LRP1B: variants seen among roughly 807,000 people sequenced by gnomAD.
The protein encoded by LRP1B is LDL receptor related protein 1B.
LRP1B carries 217 observed loss-of-function variants against 556.6 expected under a neutral mutation model. The ratio of observed to expected loss-of-function variants is 0.39; its 90% CI spans 0.35 to 0.44. LRP1B has a LOEUF of 0.44. LRP1B is among the 20% of genes least tolerant of loss of function. The probability of loss-of-function intolerance (pLI) is 1.00; values close to 1 mark genes in which losing one functional copy is unlikely to be tolerated. For missense variants in LRP1B, 5,053 were observed against 5,620.8 expected, an observed-to-expected ratio of 0.90 and a Z score of 3.23; for synonymous variants, 2,047 against 1,865.8, an observed-to-expected ratio of 1.10 and a Z score of -2.50.
At chr2:141,966,120 G>A (rs565666870) in intron 1 of LRP1B, among the ~76,000 whole-genome samples, 3 of 151,914 alleles carry the variant, frequency 2.0e-5, no homozygotes, top group South Asian at 2.1e-4. Flanking sequence ...ATTAAGTGGA[G>A]CAAGGCTTAT....
chr2:141,073,073 T>C (rs1699689877), intron 7 of LRP1B, among the ~76,000 whole-genome samples: 1 of 152,050 alleles, frequency 6.6e-6, no homozygotes, highest in Non-Finnish European at 1.5e-5. Context: ...CTAAAACCAA[T>C]AAAAATTTTC....
chr2:140,727,127 T>C (rs1293569612), intron 35 of LRP1B, among the ~76,000 whole-genome samples: 1 of 152,198 alleles, frequency 6.6e-6, no homozygotes, highest in Non-Finnish European at 1.5e-5. Flanking sequence ...TAATAAGATA[T>C]ATGATTTATA....
intron 52 of LRP1B, among the ~76,000 whole-genome samples, chr2:140,508,119 T>C (rs1317465341): frequency 2.0e-5 from 3 of 152,284 alleles, no homozygotes; most frequent in East Asian, 1.9e-4. Flanking sequence ...ATTACAATAA[T>C]TGATATGTAA....
intron 1 of LRP1B, among the ~76,000 whole-genome samples, chr2:141,877,010 G>T (rs1386528724): frequency 6.6e-6 from 1 of 151,806 alleles, no homozygotes; most frequent in African/African-American, 2.4e-5. Flanking sequence ...GAAGGAAAAG[G>T]CAAGAAATAT....
rs1463547473 is a variant in LRP1B, at chr2:140,483,638, ATATTT to A, written c.9425+1700_9425+1704del. 6.7e-3 allele frequency among the ~76,000 whole-genome samples: 499 copies of A among 74,046 alleles called. 3 individuals are homozygous for A. The highest frequency in any genetic ancestry group is 0.04 in the Middle Eastern group (5 of 124). The allele number at this position is 74,046 out of a possible 152,430, so 48.6% of individuals were successfully genotyped here. Reference sequence around the variant, plus strand: ...CACATATATATATATATATATATATATATTTTTTTTTTTTTTTTTTGAGACACTGT... The same window carrying A: ...CACATATATATATATATATATATATATTTTTTTTTTTTTTTGAGACACTGT... On this transcript the variant is annotated intron_variant, in intron 59 of 90. Transcript: ENST00000389484.
At chr2:141,455,716 C>A (rs1415309658) in intron 3 of LRP1B, among the ~76,000 whole-genome samples, 3 of 152,106 alleles carry the variant, frequency 2.0e-5, no homozygotes, top group African/African-American at 7.2e-5. Context: ...ACATTAATAA[C>A]TTTTATGAGT....
intron 2 of LRP1B, among the ~76,000 whole-genome samples, chr2:141,672,874 C>T (rs535499564): frequency 1.3e-5 from 2 of 152,266 alleles, no homozygotes; most frequent in African/African-American, 4.8e-5. Flanking sequence ...TTGTGTTCAT[C>T]ATGAAGGTTT....
intron 66 of LRP1B, among the ~76,000 whole-genome samples, chr2:140,393,914 T>A (rs1198034224): frequency 6.6e-6 from 1 of 152,136 alleles, no homozygotes; most frequent in Non-Finnish European, 1.5e-5. Context: ...TTTCTCTTTT[T>A]AAATCAACCT....
At chr2:142,123,818 G>A (rs956272869) in intron 1 of LRP1B, among the ~76,000 whole-genome samples, 4 of 151,672 alleles carry the variant, frequency 2.6e-5, no homozygotes, top group African/African-American at 7.3e-5. Flanking sequence ...TTTTATATAC[G>A]AGCTTATATT....
chr2:141,089,409 CG>C (rs1329278622), intron 7 of LRP1B, among the ~76,000 whole-genome samples: 1 of 152,024 alleles, frequency 6.6e-6, no homozygotes. Flanking sequence ...AGATCTGTAT[CG>C]GAGAGTAATT....
At position 140,297,859 on chromosome 2, in the gene LRP1B, G is replaced by T. The variant is rs1214711188; in HGVS notation, c.12916C>A (p.Gln4306Lys). ...TCCGGCTGGCAGTGGCAGTAAGGCT[G>T]GTTTCCAGCAGTCACAATGCAGGTT... is the stretch of plus-strand genomic sequence containing the variant. ...GGTCIVTAGN[Q>K]PYCHCQPEYT... is the part of the protein sequence containing the mutation. The change falls in exon 84 of 91, where the codon CAG (glutamine) becomes AAG (lysine). Residue 4306 changes from glutamine to lysine, a missense_variant. Gln to Lys is a moderately conservative substitution (Grantham distance 53). Transcript: ENST00000389484. The T allele has an allele frequency of 1.2e-6, 2 of 1,613,872 alleles. No homozygotes were observed. The highest frequency in any genetic ancestry group is 1.7e-6 in the Non-Finnish European group (2 of 1,179,890).
At chr2:141,046,711 C>T (rs968011182) in intron 11 of LRP1B, among the ~76,000 whole-genome samples, 6 of 152,014 alleles carry the variant, frequency 3.9e-5, no homozygotes, top group Non-Finnish European at 5.9e-5. Flanking sequence ...TTAGCAGGAA[C>T]ATCCAGTCAT....
chr2:140,273,623 T>C (rs1030182038), intron 85 of LRP1B, among the ~76,000 whole-genome samples: 2 of 151,960 alleles, frequency 1.3e-5, no homozygotes, highest in African/African-American at 4.8e-5. Context: ...CATGGACACT[T>C]TATGGCATGC....
At chr2:141,219,392 C>T (rs1489136098) in intron 6 of LRP1B, among the ~76,000 whole-genome samples, 1 of 152,214 alleles carries the variant, frequency 6.6e-6, no homozygotes, top group African/African-American at 2.4e-5. Flanking sequence ...TGGGCAGGGC[C>T]TCCCTGCAGG....
At chr2:141,211,869 G>T (rs948632595) in intron 6 of LRP1B, among the ~76,000 whole-genome samples, 3 of 152,052 alleles carry the variant, frequency 2.0e-5, no homozygotes, top group Non-Finnish European at 4.4e-5. Flanking sequence ...ACTCTCAATG[G>T]ATGGCCTGAT....
chr2:141,937,453 G>A (rs949456979), intron 1 of LRP1B, among the ~76,000 whole-genome samples: 2 of 151,252 alleles, frequency 1.3e-5, no homozygotes, highest in Non-Finnish European at 2.9e-5. Context: ...TAAAGAGGCT[G>A]TAGCAAATAT....
intron 89 of LRP1B, among the ~76,000 whole-genome samples, chr2:140,236,607 T>C (rs1354784916): frequency 1.3e-5 from 2 of 150,930 alleles, no homozygotes; most frequent in African/African-American, 4.8e-5. Flanking sequence ...TATTTTTAAA[T>C]TTAAAAGGCT....
At chr2:141,467,264 T>A (rs1038410670) in intron 3 of LRP1B, among the ~76,000 whole-genome samples, 4 of 151,810 alleles carry the variant, frequency 2.6e-5, no homozygotes, top group Admixed American at 2.6e-4. Context: ...AAACTGTGTC[T>A]GGGTTAGTAA....
intron 14 of LRP1B, among the ~76,000 whole-genome samples, chr2:141,009,314 T>C (rs757503424): frequency 4.7e-4 from 71 of 152,032 alleles, no homozygotes; most frequent in African/African-American, 1.6e-3. Context: ...CCAGATGAAT[T>C]ATGCATTTAA....
Sources: allele counts gnomAD v4.1 joint callset (sites outside exome capture counted in the v4.1 genomes callset), GRCh38; gene constraint gnomAD v4.1.1; transcripts MANE v1.5; gene names NCBI Gene and HGNC (gene_info 2026-07-23, HGNC 2026-07-21).